The following RASSF6 variants were observed in gnomAD, a reference collection of about 807,000 sequenced individuals.
RASSF6 encodes the protein ras association domain-containing protein 6.
Under a neutral mutation model 44.0 loss-of-function variants are expected in RASSF6, and 52 were observed. The observed-to-expected ratio is 1.18, with a 90% CI of 0.95 to 1.49. The LOEUF is 1.49. Among genes scored for constraint, RASSF6 ranks in the 40% most tolerant of loss-of-function variants. The pLI, the probability that RASSF6 is intolerant of heterozygous loss-of-function variation, is 0.00. For missense variants in RASSF6, 464 were observed against 393.3 expected, an observed-to-expected ratio of 1.18 and a Z score of -1.52; for synonymous variants, 162 against 124.6, an observed-to-expected ratio of 1.30 and a Z score of -2.00.
In RASSF6 at chr4:73,574,829, C is replaced by G. The variant is rs969332951; in HGVS notation, c.*1406G>C. 9.9e-5 allele frequency: 15 copies of G among 151,932 alleles called. No homozygotes were observed. Among genetic ancestry groups the G allele is most frequent in the African/African-American group, 3.1e-4 (13 of 41,328 alleles). The allele number at this position is 151,932 out of a possible 1,614,324, so 9.4% of individuals were successfully genotyped here. A position where few individuals can be genotyped will look rare whatever the true frequency, so the allele number is the denominator to read the frequency against. ...TACATTTCAGTCTATTGAAGACTAA[C>G]CTTTTGTCATGTTCATGGCAGGTAC... On this transcript the variant is annotated 3_prime_UTR_variant, in exon 11 of 11. Transcript: ENST00000307439.
rs1723038207 is a variant in RASSF6, at chr4:73,573,720, A to T, written c.*2515T>A. On this transcript the variant is annotated 3_prime_UTR_variant, in exon 11 of 11. Transcript: ENST00000307439. ...TCTTAATCTTTGCTAATAGGCCAAAATGTGTATTTATTTATTTATTTTACT... is the reference window on the plus strand; with the variant it reads ...TCTTAATCTTTGCTAATAGGCCAAATTGTGTATTTATTTATTTATTTTACT... 6.6e-6 allele frequency: 1 copy of T among 152,108 alleles called. No individual in the cohort carries two copies. The highest frequency in any genetic ancestry group is 1.5e-5 in the Non-Finnish European group (1 of 68,036). The allele number at this position is 152,108 out of a possible 1,614,324, so 9.4% of individuals were successfully genotyped here. A position where few individuals can be genotyped will look rare whatever the true frequency, so the allele number is the denominator to read the frequency against.
intron 1 of RASSF6, among the ~76,000 whole-genome samples, chr4:73,618,618 C>T (rs1482089762): frequency 6.6e-6 from 1 of 152,068 alleles, no homozygotes; most frequent in Non-Finnish European, 1.5e-5. Context: ...CTGTACTAAA[C>T]ACAATCAGAC....
In RASSF6 at chr4:73,580,786, T is replaced by A. The variant is rs544243024; in HGVS notation, c.721+1031A>T. Among the ~76,000 whole-genome samples, 132 of 85,962 alleles carry A rather than the reference T, an allele frequency of 1.5e-3. 14 individuals are homozygous for A. The highest frequency in any genetic ancestry group is 4.3e-3 in the African/African-American group (126 of 29,400). 56.4% of individuals were successfully genotyped at this position (85,962 alleles called of 152,430 possible). A position where few individuals can be genotyped will look rare whatever the true frequency, so the allele number is the denominator to read the frequency against. On this transcript the variant is annotated intron_variant, in intron 8 of 10. Coordinates refer to ENST00000307439, the MANE Select transcript of RASSF6 (RefSeq NM_177532.5). The stretch of plus-strand genomic sequence containing the variant: ...TTCTGGATATTAGCTCTTTGTCAGA[T>A]GAGTAGGTTGCGAAAATTTCCTCCC...
intron 1 of RASSF6, among the ~76,000 whole-genome samples, chr4:73,614,201 C>T (rs1726198693): frequency 6.6e-6 from 1 of 152,170 alleles, no homozygotes; most frequent in Non-Finnish European, 1.5e-5. Flanking sequence ...CTTTGATTTC[C>T]ACTGCTACTA....
rs1158800324 is a variant in RASSF6, at chr4:73,573,965, A to G, written c.*2270T>C. On this transcript the variant is annotated 3_prime_UTR_variant, in exon 11 of 11. Transcript: ENST00000307439. ...CTGACAGGCCAGGCTACTGGAGAGC[A>G]GGCTTTTTTCCTTCACTACTTTGCC... 6.6e-6 allele frequency: 1 copy of G among 152,280 alleles called. No homozygotes were observed. Among genetic ancestry groups the G allele is most frequent in the Non-Finnish European group, 1.5e-5 (1 of 68,074 alleles). 9.4% of individuals were successfully genotyped at this position (152,280 alleles called of 1,614,324 possible). A position where few individuals can be genotyped will look rare whatever the true frequency, so the allele number is the denominator to read the frequency against.
At chr4:73,583,848 C>G (rs1035374803) in intron 6 of RASSF6, among the ~76,000 whole-genome samples, 1 of 152,096 alleles carries the variant, frequency 6.6e-6, no homozygotes, top group Admixed American at 6.6e-5. Context: ...AAGAATGAAA[C>G]TTGCTCAGCA....
intron 4 of RASSF6, among the ~76,000 whole-genome samples, chr4:73,590,506 G>T (rs1724461401): frequency 6.6e-6 from 1 of 152,156 alleles, no homozygotes; most frequent in Non-Finnish European, 1.5e-5. Context: ...TAAAGGCTGA[G>T]AATTAAAATA....
rs1201262108 is a variant in RASSF6, at chr4:73,576,217, C to A, written c.*18G>T. 7.1e-7 allele frequency: 1 copy of A among 1,402,364 alleles called. No individual in the cohort carries two copies. The highest frequency in any genetic ancestry group is 9.9e-7 in the Non-Finnish European group (1 of 1,007,622). 86.9% of individuals were successfully genotyped at this position (1,402,364 alleles called of 1,614,324 possible). ...CTCTGAGTTTTTTGAAATGTTTTAG[C>A]AATAGAAGCTTGTACTGCTAAACTG... On this transcript the variant is annotated 3_prime_UTR_variant, in exon 11 of 11. Transcript: ENST00000307439.
chr4:73,608,572 C>A (rs570315226), intron 2 of RASSF6, among the ~76,000 whole-genome samples: 2 of 152,114 alleles, frequency 1.3e-5, no homozygotes, highest in South Asian at 4.2e-4. Flanking sequence ...AAAAACAATC[C>A]CCATGTGGAC....
Position 73,571,607 on chromosome 4 carries a change from A to T in RASSF6, c.*4628T>A, listed in dbSNP as rs1422301866. 6.6e-6 allele frequency: 1 copy of T among 152,024 alleles called. No homozygotes were observed. The allele number at this position is 152,024 out of a possible 1,614,324, so 9.4% of individuals were successfully genotyped here. Reference sequence around the variant, plus strand: ...TATGGGACCAGACTTGTAATAAGTAATACATACATATGGGGAATTTTATAA... The same window carrying T: ...TATGGGACCAGACTTGTAATAAGTATTACATACATATGGGGAATTTTATAA... On this transcript the variant is annotated 3_prime_UTR_variant, in exon 11 of 11. Coordinates refer to ENST00000307439, the MANE Select transcript of RASSF6 (RefSeq NM_177532.5).
At chr4:73,597,708 C>T (rs1725023787) in intron 3 of RASSF6, among the ~76,000 whole-genome samples, 1 of 152,142 alleles carries the variant, frequency 6.6e-6, no homozygotes, top group Admixed American at 6.5e-5. Flanking sequence ...ACAGCAAGCA[C>T]ATGGAATCAA....
At chr4:73,609,152 A>G (rs566143871) in intron 2 of RASSF6, among the ~76,000 whole-genome samples, 1 of 152,326 alleles carries the variant, frequency 6.6e-6, no homozygotes, top group East Asian at 1.9e-4. Flanking sequence ...AGGTTCTGAG[A>G]GTGAAATCTG....
In RASSF6 at chr4:73,576,932, A is replaced by G. The variant is rs573643350; in HGVS notation, c.722-201T>C. On this transcript the variant is annotated intron_variant, in intron 8 of 10. Transcript: ENST00000307439. ...TCTTACTGTATCTCAAGTTTTGATT[A>G]ATGTCTCAAAGAACTCAGCCTTCCT... is the stretch of plus-strand genomic sequence containing the variant. Among the ~76,000 whole-genome samples, 4 of 152,356 alleles carry G rather than the reference A, an allele frequency of 2.6e-5. No individual in the cohort carries two copies. The East Asian group carries it at 7.7e-4, about 29-fold the overall frequency.
Position 73,573,691 on chromosome 4 carries a change from C to A in RASSF6, c.*2544G>T, listed in dbSNP as rs1202382190. 2.0e-5 allele frequency: 3 copies of A among 152,088 alleles called. No homozygotes were observed. The highest frequency in any genetic ancestry group is 4.4e-5 in the Non-Finnish European group (3 of 68,010). 9.4% of individuals were successfully genotyped at this position (152,088 alleles called of 1,614,324 possible). A position where few individuals can be genotyped will look rare whatever the true frequency, so the allele number is the denominator to read the frequency against. ...TGATTTATTGAGTATTTAATGTTAT[C>A]ATTTCTTAATCTTTGCTAATAGGCC... On this transcript the variant is annotated 3_prime_UTR_variant, in exon 11 of 11. Transcript: ENST00000307439.
At chr4:73,580,764 T>C (rs559213383) in intron 8 of RASSF6, among the ~76,000 whole-genome samples, 4 of 106,506 alleles carry the variant, frequency 3.8e-5, no homozygotes, top group Middle Eastern at 3.9e-3. Context: ...TTGTAGATTC[T>C]GGATATTAGC....
At position 73,576,603 on chromosome 4, in the gene RASSF6, G is replaced by A. The variant is rs1271270417; in HGVS notation, c.840+10C>T. 4 of 1,570,794 alleles carry A rather than the reference G, an allele frequency of 2.5e-6. No homozygotes were observed. The African/African-American group carries it at 5.4e-5, about 21-fold the overall frequency. On this transcript the variant is annotated intron_variant, in intron 9 of 10. Transcript: ENST00000307439. Reference sequence around the variant, plus strand: ...AGCAAAAAACAGATTCAGGGTGATGGTATTCATACATCACTGCTAATTTCT... The same window carrying A: ...AGCAAAAAACAGATTCAGGGTGATGATATTCATACATCACTGCTAATTTCT...
intron 2 of RASSF6, among the ~76,000 whole-genome samples, chr4:73,607,906 C>A (rs1288281357): frequency 1.6e-5 from 2 of 121,736 alleles, no homozygotes; most frequent in Non-Finnish European, 1.8e-5. Context: ...CCCTCCCCTC[C>A]TCTCTACTCT....
rs777299653 is a variant in RASSF6, at chr4:73,616,838, T to G, written c.-35+3450A>C. On this transcript the variant is annotated intron_variant, in intron 1 of 10. Transcript: ENST00000307439. Reference sequence around the variant, plus strand: ...ATAGAAAGTTACAATTATGTATTCATCTCCAAAACGAAACTGTTTTCTCAA... The same window carrying G: ...ATAGAAAGTTACAATTATGTATTCAGCTCCAAAACGAAACTGTTTTCTCAA... 6.4e-4 allele frequency among the ~76,000 whole-genome samples: 97 copies of G among 152,174 alleles called. 1 individual carries two copies. Among genetic ancestry groups the G allele is most frequent in the Admixed American group, 2.3e-3 (35 of 15,272 alleles).
At position 73,611,844 on chromosome 4, in the gene RASSF6, A is replaced by G. The variant is rs1360770839; in HGVS notation, c.-34-15T>C. ...CTGAGGATATCCTAAACATGAGAAT[A>G]ATATTAATGATTTGTTCCTATAATG... is the stretch of plus-strand genomic sequence containing the variant. On this transcript the variant is annotated splice_polypyrimidine_tract_variant and intron_variant, in intron 1 of 10. Transcript: ENST00000307439. 6.7e-7 allele frequency: 1 copy of G among 1,502,968 alleles called. No homozygotes were observed. The highest frequency in any genetic ancestry group is 1.4e-5 in the African/African-American group (1 of 72,380). 93.1% of individuals were successfully genotyped at this position (1,502,968 alleles called of 1,614,324 possible).
Sources: allele counts gnomAD v4.1 joint callset (sites outside exome capture counted in the v4.1 genomes callset), GRCh38; gene constraint gnomAD v4.1.1; transcripts MANE v1.5; gene names NCBI Gene and HGNC (gene_info 2026-07-23, HGNC 2026-07-21).